Variants in ETFA observed in about 807,000 individuals in gnomAD.
ETFA encodes the protein electron transfer flavoprotein subunit alpha, also known as electron transfer flavoprotein subunit alpha, mitochondrial.
A neutral mutation model predicts 46.2 loss-of-function variants in ETFA; 22 were observed. That is an observed-to-expected ratio of 0.48 (90% CI 0.34 to 0.68). The LOEUF (loss-of-function observed/expected upper bound fraction) is 0.68, where lower values mean the gene tolerates loss of function less well. Ranked by LOEUF, ETFA falls within the 30% of genes least tolerant of loss-of-function variation. The pLI is 0.01. For missense variants in ETFA, 345 were observed against 401.1 expected (o/e 0.86, Z 1.19); for synonymous variants, 131 against 139.9 (o/e 0.94, Z 0.45).
chr15:76,266,159 T>C (rs2039468306), intron 9 of ETFA, among the ~76,000 whole-genome samples: 1 of 152,204 alleles, frequency 6.6e-6, no homozygotes, highest in Non-Finnish European at 1.5e-5. Context: ...ATGGGCAAGC[T>C]ACAACCAGGG....
At position 76,279,477 on chromosome 15, in the gene ETFA, G is replaced by A. The variant is rs190653408; in HGVS notation, c.733+4280C>T. Among the ~76,000 whole-genome samples, 17 of 152,122 alleles carry A rather than the reference G, an allele frequency of 1.1e-4. 1 individual carries two copies. Among genetic ancestry groups the A allele is most frequent in the Admixed American group, 9.8e-4 (15 of 15,272 alleles). ...TTGTTTGTAGAGACGGGGTTTTGCC[G>A]TGTTGCCCAGGCTGGTCTCAAACTC... On this transcript the variant is annotated intron_variant, in intron 8 of 11. Coordinates refer to ENST00000557943, the MANE Select transcript of ETFA (RefSeq NM_000126.4).
intron 9 of ETFA, among the ~76,000 whole-genome samples, chr15:76,257,892 A>G (rs2141489569): frequency 6.6e-6 from 1 of 151,676 alleles, no homozygotes; most frequent in East Asian, 1.9e-4. Context: ...ATTGGAAATC[A>G]TCATTCTCAG....
At chr15:76,258,889 C>T (rs1596203560) in intron 9 of ETFA, 1 of 814,436 alleles carries the variant, frequency 1.2e-6, no homozygotes, top group Non-Finnish European at 2.0e-6. Flanking sequence ...GGAGCCTCCA[C>T]ACCTTGCTGT....
chr15:76,237,101 G>A (rs901003724), intron 9 of ETFA, among the ~76,000 whole-genome samples: 2 of 152,204 alleles, frequency 1.3e-5, no homozygotes, highest in Non-Finnish European at 2.9e-5. Flanking sequence ...TGCCCAGGCT[G>A]GAGTGCAGTG....
intron 8 of ETFA, among the ~76,000 whole-genome samples, chr15:76,281,675 G>A (rs533673557): frequency 9.2e-5 from 14 of 151,988 alleles, no homozygotes; most frequent in Non-Finnish European, 1.5e-4. Context: ...GATTACAGGC[G>A]TAAGCCACCA....
intron 8 of ETFA, among the ~76,000 whole-genome samples, chr15:76,275,330 A>G (rs1307894157): frequency 6.6e-6 from 1 of 152,224 alleles, no homozygotes; most frequent in Non-Finnish European, 1.5e-5. Context: ...TTTAGAACTT[A>G]AAACTTTAAG....
intron 4 of ETFA, among the ~76,000 whole-genome samples, chr15:76,288,699 G>A (rs1161533676): frequency 7.0e-6 from 1 of 143,320 alleles, no homozygotes; most frequent in African/African-American, 2.6e-5. Context: ...GTGACAGAGC[G>A]AGACTCTGCC....
chr15:76,282,340 G>A (rs2039664038), intron 8 of ETFA, among the ~76,000 whole-genome samples: 1 of 152,180 alleles, frequency 6.6e-6, no homozygotes, highest in African/African-American at 2.4e-5. Flanking sequence ...AGCTGGAAGA[G>A]GAAAATAACA....
intron 9 of ETFA, chr15:76,259,861 G>T: frequency 7.3e-7 from 1 of 1,378,570 alleles, no homozygotes; most frequent in Non-Finnish European, 1.0e-6. Flanking sequence ...TGAGCAGGAA[G>T]GCGTGCAGGT....
chr15:76,227,970 A>T, intron 10 of ETFA: 1 of 456,092 alleles, frequency 2.2e-6, no homozygotes, highest in Non-Finnish European at 4.4e-6. Context: ...TTCAAACGTG[A>T]GCCTCAAATC....
intron 10 of ETFA, chr15:76,230,601 T>C (rs2405326): frequency 0.93 from 122,683 of 131,220 alleles, 57,202 homozygotes; most frequent in Non-Finnish European, 0.96. Context: ...GCGCTCGCCA[T>C]CATGCCTGGC....
chr15:76,254,683 C>G (rs1195134464), intron 9 of ETFA, among the ~76,000 whole-genome samples: 1 of 152,092 alleles, frequency 6.6e-6, no homozygotes, highest in Non-Finnish European at 1.5e-5. Context: ...CCCAGAGGTG[C>G]CAAGACTTTT....
At chr15:76,263,521 C>T (rs1392730358) in intron 9 of ETFA, among the ~76,000 whole-genome samples, 2 of 152,196 alleles carry the variant, frequency 1.3e-5, no homozygotes, top group African/African-American at 2.4e-5. Context: ...TTTCTTAAGG[C>T]ATTTATTACA....
At chr15:76,228,338 C>T (rs1462315954) in intron 10 of ETFA, 1 of 225,630 alleles carries the variant, frequency 4.4e-6, no homozygotes, top group Admixed American at 5.3e-5. Flanking sequence ...GGGTGTACCA[C>T]CATGCTCAGA....
chr15:76,220,679 CT>C (rs1171208015), intron 11 of ETFA, among the ~76,000 whole-genome samples: 1 of 152,076 alleles, frequency 6.6e-6, no homozygotes, highest in African/African-American at 2.4e-5. Flanking sequence ...TCTAAATAAA[CT>C]TTCTCCAAAC....
At chr15:76,237,398 G>A (rs531290063) in intron 9 of ETFA, among the ~76,000 whole-genome samples, 1 of 152,260 alleles carries the variant, frequency 6.6e-6, no homozygotes, top group South Asian at 2.1e-4. Flanking sequence ...TAGAAAACAA[G>A]GATGATGGAA....
intron 9 of ETFA, among the ~76,000 whole-genome samples, chr15:76,262,309 A>G (rs1311781577): frequency 6.6e-6 from 1 of 151,682 alleles, no homozygotes; most frequent in Non-Finnish European, 1.5e-5. Flanking sequence ...GTGTAACTAG[A>G]GTCCCAGAAC....
intron 9 of ETFA, among the ~76,000 whole-genome samples, chr15:76,258,732 G>C (rs1218415590): frequency 6.6e-6 from 1 of 152,210 alleles, no homozygotes; most frequent in African/African-American, 2.4e-5. Flanking sequence ...CCAGCTGTCT[G>C]GGTTCAGACA....
chr15:76,219,696 G>C (rs949048004), intron 11 of ETFA, among the ~76,000 whole-genome samples: 1 of 152,230 alleles, frequency 6.6e-6, no homozygotes, highest in Non-Finnish European at 1.5e-5. Flanking sequence ...AGAGATATAC[G>C]AGTGGCCAAT....
Sources: gnomAD v4.1 joint callset for allele counts (sites outside exome capture counted in the v4.1 genomes callset) on GRCh38, gnomAD v4.1.1 for gene constraint, MANE v1.5 for transcripts, NCBI Gene and HGNC (gene_info 2026-07-23, HGNC 2026-07-21) for gene names.